The following TENM2 variants were observed in gnomAD, a reference collection of about 807,000 sequenced individuals.
TENM2 encodes the protein teneurin transmembrane protein 2, also known as teneurin-2.
Under a neutral mutation model 245.2 loss-of-function variants are expected in TENM2, and 52 were observed. The ratio of observed to expected loss-of-function variants is 0.21; its 90% CI spans 0.17 to 0.27. TENM2 has a LOEUF of 0.27. TENM2 is among the 10% of genes least tolerant of loss of function. TENM2 has a pLI of 1.00. For missense variants in TENM2, 3,046 were observed against 3,666.8 expected (o/e 0.83, Z 4.37); for synonymous variants, 1,363 against 1,438.9 (o/e 0.95, Z 1.19).
chr5:167,990,661 G>A (rs1054238378), intron 4 of TENM2, among the ~76,000 whole-genome samples: 1 of 152,016 alleles, frequency 6.6e-6, no homozygotes, highest in African/African-American at 2.4e-5. Flanking sequence ...TTTTAAAATG[G>A]AGCATTAAAA....
the TENM2 span, among the ~76,000 whole-genome samples, chr5:166,999,003 A>G: frequency 2.0e-5 from 3 of 150,630 alleles, no homozygotes; most frequent in Non-Finnish European, 3.0e-5. Context: ...ATTATATGCT[A>G]TTATGTTACA....
chr5:167,316,642 CAT>C (rs576679644), intron 1 of TENM2, among the ~76,000 whole-genome samples: 297 of 152,256 alleles, frequency 2.0e-3, no homozygotes, highest in African/African-American at 6.4e-3. Context: ...CATCCCCACA[CAT>C]GTTTGTATAT....
At chr5:167,214,836 G>A in the TENM2 span, among the ~76,000 whole-genome samples, 1 of 152,144 alleles carries the variant, frequency 6.6e-6, no homozygotes, top group Non-Finnish European at 1.5e-5. Context: ...TAGATCTTAG[G>A]CACAGGGCTT....
chr5:167,819,167 A>T (rs897651864), intron 2 of TENM2, among the ~76,000 whole-genome samples: 1 of 151,938 alleles, frequency 6.6e-6, no homozygotes, highest in Non-Finnish European at 1.5e-5. Context: ...CCCAATTCCC[A>T]TTGCTTTTCT....
At chr5:167,040,004 T>C in the TENM2 span, among the ~76,000 whole-genome samples, 1 of 152,220 alleles carries the variant, frequency 6.6e-6, no homozygotes, top group Admixed American at 6.5e-5. Context: ...GGCTTGTATC[T>C]GTCTGCATAG....
intron 2 of TENM2, among the ~76,000 whole-genome samples, chr5:167,513,433 A>G (rs1207616571): frequency 6.6e-6 from 1 of 152,198 alleles, no homozygotes; most frequent in Non-Finnish European, 1.5e-5. Context: ...CCTAGAAGTT[A>G]AAGTGCCCGG....
the TENM2 span, among the ~76,000 whole-genome samples, chr5:167,041,812 G>T: frequency 6.6e-6 from 1 of 152,050 alleles, no homozygotes; most frequent in Non-Finnish European, 1.5e-5. Flanking sequence ...CCTCCAAAAG[G>T]GCACAAGTGG....
At chr5:167,206,708 AT>A in the TENM2 span, among the ~76,000 whole-genome samples, 2 of 152,176 alleles carry the variant, frequency 1.3e-5, no homozygotes, top group Non-Finnish European at 2.9e-5. Flanking sequence ...GTTTGGATAT[AT>A]TTTTAAATAT....
the TENM2 span, among the ~76,000 whole-genome samples, chr5:166,985,517 C>T: frequency 6.6e-6 from 1 of 152,114 alleles, no homozygotes; most frequent in Admixed American, 6.5e-5. Context: ...GTGGTTAGGG[C>T]TCCACAACTT....
chr5:167,345,565 C>T (rs1293353948), intron 1 of TENM2, among the ~76,000 whole-genome samples: 1 of 152,122 alleles, frequency 6.6e-6, no homozygotes, highest in East Asian at 1.9e-4. Flanking sequence ...GGAGAATGAA[C>T]AGAATACTTG....
the TENM2 span, among the ~76,000 whole-genome samples, chr5:167,181,162 A>G: frequency 1.3e-5 from 2 of 152,074 alleles, no homozygotes; most frequent in African/African-American, 4.8e-5. Flanking sequence ...AAGATTTTGT[A>G]GAAAATTTCG....
the TENM2 span, among the ~76,000 whole-genome samples, chr5:167,003,995 A>C: frequency 4.6e-5 from 7 of 152,198 alleles, no homozygotes; most frequent in Admixed American, 4.6e-4. Context: ...ATTCCGAGTC[A>C]ATTCCTTTGC....
intron 25 of TENM2, among the ~76,000 whole-genome samples, chr5:168,238,153 AAGAAAGAG>A (rs1470421837): frequency 6.9e-5 from 7 of 101,906 alleles, no homozygotes; most frequent in African/African-American, 3.3e-4. Context: ...TCAAGAAAGA[AAGAAAGAG>A]AGAGAGAGAG....
intron 2 of TENM2, among the ~76,000 whole-genome samples, chr5:167,684,638 T>C (rs750171524): frequency 1.1e-4 from 16 of 152,318 alleles, no homozygotes; most frequent in Admixed American, 4.6e-4. Flanking sequence ...TAAAGTATGC[T>C]ATAGGCTATT....
chr5:167,328,109 C>T lies in TENM2; in HGVS notation c.226+43046C>T, dbSNP rs368171754. On this transcript the variant is annotated intron_variant, in intron 1 of 28. Coordinates refer to ENST00000518659, the Ensembl canonical transcript of TENM2. ...AAGCTTGGAGTTATCCTTAATTTATCGCAGCATTAAGTGTGAACTTGTTAA... is the reference window on the plus strand; with the variant it reads ...AAGCTTGGAGTTATCCTTAATTTATTGCAGCATTAAGTGTGAACTTGTTAA... 5.5e-5 allele frequency among the ~76,000 whole-genome samples: 8 copies of T among 144,234 alleles called. No homozygotes were observed. The South Asian group carries it at 1.6e-3, about 28-fold the overall frequency. The allele number at this position is 144,234 out of a possible 152,430, so 94.6% of individuals were successfully genotyped here. A position where few individuals can be genotyped will look rare whatever the true frequency, so the allele number is the denominator to read the frequency against.
chr5:167,879,753 A>T (rs975656203), intron 3 of TENM2, among the ~76,000 whole-genome samples: 16 of 152,190 alleles, frequency 1.1e-4, no homozygotes, highest in African/African-American at 3.6e-4. Flanking sequence ...GTAGTAACCA[A>T]GATGCCCTAG....
At position 167,634,478 on chromosome 5, in the gene TENM2, A is replaced by ATTT. The variant is rs35834363; in HGVS notation, c.503-241494_503-241492dup. Among the ~76,000 whole-genome samples, 92 of 144,066 alleles carry ATTT rather than the reference A, an allele frequency of 6.4e-4. 1 individual carries two copies. The highest frequency in any genetic ancestry group is 5.5e-3 in the South Asian group (25 of 4,514). The allele number at this position is 144,066 out of a possible 152,430, so 94.5% of individuals were successfully genotyped here. A position where few individuals can be genotyped will look rare whatever the true frequency, so the allele number is the denominator to read the frequency against. ...CATAAATATCTGAAGAACTTAACTG[A>ATTT]TTTTTTTTTTTTTTTTGAGAGAGAG... is the stretch of plus-strand genomic sequence containing the variant. On this transcript the variant is annotated intron_variant, in intron 2 of 28. Coordinates refer to ENST00000518659, the Ensembl canonical transcript of TENM2.
intron 7 of TENM2, among the ~76,000 whole-genome samples, chr5:168,082,123 T>A (rs1581246605): frequency 6.6e-6 from 1 of 152,164 alleles, no homozygotes; most frequent in South Asian, 2.1e-4. Flanking sequence ...GGAGGCTTTG[T>A]TTGTTTCTTT....
At chr5:167,176,108 A>G in the TENM2 span, among the ~76,000 whole-genome samples, 2 of 152,206 alleles carry the variant, frequency 1.3e-5, no homozygotes, top group African/African-American at 4.8e-5. Flanking sequence ...TCCTCATTGC[A>G]CTTCAAATTA....
Sources: allele counts gnomAD v4.1 joint callset (sites outside exome capture counted in the v4.1 genomes callset), GRCh38; gene constraint gnomAD v4.1.1; transcripts MANE v1.5; gene names NCBI Gene and HGNC (gene_info 2026-07-23, HGNC 2026-07-21).